Variants in UQCRC1 observed in about 807,000 individuals in gnomAD.
UQCRC1 encodes the protein cytochrome b-c1 complex subunit 1, mitochondrial.
Under a neutral mutation model 58.0 loss-of-function variants are expected in UQCRC1, and 34 were observed. The ratio of observed to expected loss-of-function variants is 0.59; its 90% CI spans 0.45 to 0.78. UQCRC1 has a LOEUF of 0.78. Among genes scored for constraint, UQCRC1 ranks in the 30% least tolerant of loss-of-function variants. The probability of loss-of-function intolerance (pLI) is 0.00; values close to 1 mark genes in which losing one functional copy is unlikely to be tolerated. For missense variants in UQCRC1, 610 were observed against 646.0 expected, an observed-to-expected ratio of 0.94 and a Z score of 0.60; for synonymous variants, 276 against 248.8, an observed-to-expected ratio of 1.11 and a Z score of -1.03.
rs761865695 is a variant in UQCRC1, at chr3:48,600,963, G to A, written c.966+12C>T. On this transcript the variant is annotated intron_variant, in intron 8 of 12. Coordinates refer to ENST00000203407, the MANE Select transcript of UQCRC1 (RefSeq NM_003365.3). ...CCTGAAGGCGAGGTCCCATGCTCGC[G>A]CTGGCACTCACCACGCCACCACCAT... 8 of 1,602,486 alleles carry A rather than the reference G, an allele frequency of 5.0e-6. No individual in the cohort carries two copies. The Admixed American group carries it at 5.0e-5, about 10-fold the overall frequency.
At chr3:48,604,512 C>T in intron 4 of UQCRC1, 81 bp from the exon 5 acceptor site, 1 of 1,585,990 alleles carries the variant, frequency 6.3e-7, no homozygotes, top group African/African-American at 1.3e-5. Flanking sequence ...GGCCTGGCAT[C>T]TCCTGCTGCC....
chr3:48,599,590 C>G, intron 12 of UQCRC1, 45 bp downstream of exon 12: 1 of 1,594,810 alleles, frequency 6.3e-7, no homozygotes, highest in Non-Finnish European at 8.6e-7. Context: ...GCCAAGAGAA[C>G]GGCCTGAGGA....
rs546614253 is a variant in UQCRC1, at chr3:48,599,396, G to A, written c.1379-204C>T. 1.3e-4 allele frequency: 89 copies of A among 697,980 alleles called. No individual in the cohort carries two copies. The African/African-American group carries it at 1.4e-3, about 11-fold the overall frequency. 43.2% of individuals were successfully genotyped at this position (697,980 alleles called of 1,614,324 possible). On this transcript the variant is annotated intron_variant, in intron 12 of 12. Coordinates refer to ENST00000203407, the MANE Select transcript of UQCRC1 (RefSeq NM_003365.3). The stretch of plus-strand genomic sequence containing the variant: ...TTGAAGCCCCACCCCACATGGAGGT[G>A]CCCGTTACCTGACGGGTGCAGGGTA...
chr3:48,602,451 C>T (rs2046374703), intron 6 of UQCRC1, among the ~76,000 whole-genome samples: 1 of 152,104 alleles, frequency 6.6e-6, no homozygotes, highest in Admixed American at 6.6e-5. Flanking sequence ...CTCCAAAGCC[C>T]CTGGTCATGC....
At position 48,600,718 on chromosome 3, in the gene UQCRC1, C is replaced by T. The variant is rs919564809; in HGVS notation, c.1089G>A (p.Met363Ile). 1 of 1,614,196 alleles carries T rather than the reference C, an allele frequency of 6.2e-7. No homozygotes were observed. The highest frequency in any genetic ancestry group is 2.2e-5 in the East Asian group (1 of 44,886). Residue 363 changes from methionine to isoleucine, a missense_variant, in exon 9 of 13, where the codon ATG becomes ATA. Physicochemically the swap from Met to Ile is conservative, Grantham distance 10. Coordinates refer to ENST00000203407, the MANE Select transcript of UQCRC1 (RefSeq NM_003365.3). ...LLGAHFVCDR[M>I]KIDDMMFVLQ... ...GGACGAACATCATGTCATCGATTTT[C>T]ATTCGGTCACAGACAAAGTGTGCAC...
intron 5 of UQCRC1, chr3:48,603,848 C>T: frequency 1.7e-6 from 1 of 601,398 alleles, no homozygotes; most frequent in Non-Finnish European, 3.0e-6. Flanking sequence ...GCCCTTGCCT[C>T]ATGCCTGACT....
Position 48,607,604 on chromosome 3 carries a change from G to A in UQCRC1, c.210+1558C>T, listed in dbSNP as rs562320898. Among the ~76,000 whole-genome samples, 25 of 150,584 alleles carry A rather than the reference G, an allele frequency of 1.7e-4. 1 individual carries two copies. In the South Asian group the frequency reaches 5.2e-3, roughly 32 times the overall value. On this transcript the variant is annotated intron_variant, in intron 2 of 12. Coordinates refer to ENST00000203407, the MANE Select transcript of UQCRC1 (RefSeq NM_003365.3). ...CAGAGGGCCTTGCTCTGTCACCCAGGCCAGAGTACAGTGACATAATCATGG... is the reference window on the plus strand; with the variant it reads ...CAGAGGGCCTTGCTCTGTCACCCAGACCAGAGTACAGTGACATAATCATGG...
intron 2 of UQCRC1, among the ~76,000 whole-genome samples, chr3:48,607,102 T>G (rs1321502662): frequency 6.6e-6 from 1 of 151,074 alleles, no homozygotes; most frequent in Non-Finnish European, 1.5e-5. Context: ...AGTGCAGTGG[T>G]GCGATCTTGG....
rs2046417202 is a variant in UQCRC1, at chr3:48,606,854, C to T, written c.211-998G>A. Among the ~76,000 whole-genome samples the T allele has an allele frequency of 2.0e-5, 3 of 151,362 alleles. No homozygotes were observed. In the South Asian group the frequency reaches 6.2e-4, roughly 31 times the overall value. On this transcript the variant is annotated intron_variant, in intron 2 of 12. Transcript: ENST00000203407. ...AGCTGATTTAAGTTTTTCACATCTA[C>T]TTTCCTAAGTACTTTTTTTTTTTTT...
chr3:48,600,581 G>GT lies in UQCRC1; in HGVS notation c.1128-15dup, dbSNP rs767217664. 1.9e-6 allele frequency: 3 copies of GT among 1,614,064 alleles called. No homozygotes were observed. Among genetic ancestry groups the GT allele is most frequent in the Non-Finnish European group, 2.5e-6 (3 of 1,179,988 alleles). Reference sequence around the variant, plus strand: ...CACAGGCGCATCCTAAAGTGGGGGGGTGGGTGGTATTCATTCTGAGCCAGT... The same window carrying GT: ...CACAGGCGCATCCTAAAGTGGGGGGGTTGGGTGGTATTCATTCTGAGCCAGT... On this transcript the variant is annotated splice_polypyrimidine_tract_variant and intron_variant, in intron 9 of 12. Coordinates refer to ENST00000203407, the MANE Select transcript of UQCRC1 (RefSeq NM_003365.3).
chr3:48,600,458 TC>T lies in UQCRC1; in HGVS notation c.1213+23del, dbSNP rs771403679. ...TCGCTGGCAAGATGTACTCTACCCC[TC>T]CCCGCTGAGCTGTAGGACTCACCAT... On this transcript the variant is annotated intron_variant, in intron 10 of 12. Coordinates refer to ENST00000203407, the MANE Select transcript of UQCRC1 (RefSeq NM_003365.3). 25 of 1,613,620 alleles carry T rather than the reference TC, an allele frequency of 1.5e-5. No individual in the cohort carries two copies. The East Asian group carries it at 3.3e-4, about 22-fold the overall frequency.
At chr3:48,606,109 C>G (rs959396586) in intron 2 of UQCRC1, among the ~76,000 whole-genome samples, 1 of 152,234 alleles carries the variant, frequency 6.6e-6, no homozygotes. Flanking sequence ...ACACTTCTAA[C>G]TGTGCACATT....
At position 48,601,467 on chromosome 3, in the gene UQCRC1, C is replaced by A; in HGVS notation, c.707G>T (p.Gly236Val). ...GTCTAACAGTTGCTGGTGCTCCACT[C>A]CTGCTGAGACAGACAGTGGCATTAC... ...APRMVLAAAG[G>V]VEHQQLLDLA... Residue 236 changes from glycine to valine, a missense_variant and splice_region_variant, in exon 7 of 13, where the codon GGA becomes GTA. By Grantham distance (109) the Gly-to-Val change is moderately radical (BLOSUM62 -3). Transcript: ENST00000203407. 6.2e-7 allele frequency: 1 copy of A among 1,613,618 alleles called. No homozygotes were observed. The highest frequency in any genetic ancestry group is 1.1e-5 in the South Asian group (1 of 90,914).
chr3:48,607,276 T>A (rs1309335691), intron 2 of UQCRC1, among the ~76,000 whole-genome samples: 2 of 151,530 alleles, frequency 1.3e-5, no homozygotes. Flanking sequence ...CTCCTGACCT[T>A]GTGATTCGCC....
intron 2 of UQCRC1, among the ~76,000 whole-genome samples, chr3:48,607,185 G>A (rs369502188): frequency 6.6e-6 from 1 of 152,288 alleles, no homozygotes; most frequent in African/African-American, 2.4e-5. Flanking sequence ...GGAACTACAG[G>A]CGCCCGCCAC....
At chr3:48,604,129 G>C (rs773511422) in intron 5 of UQCRC1, 104 bp downstream of exon 5, 14 of 1,300,580 alleles carry the variant, frequency 1.1e-5, no homozygotes, top group Non-Finnish European at 1.3e-5. Flanking sequence ...GCATAACTCA[G>C]GAAAATAACC....
chr3:48,601,207 TG>T, intron 7 of UQCRC1, 89 bp from the exon 8 acceptor site: 2 of 1,542,062 alleles, frequency 1.3e-6, no homozygotes, highest in Non-Finnish European at 1.8e-6. Flanking sequence ...TGTATGTGTG[TG>T]AACATGTGTG....
At chr3:48,604,101 C>T in intron 5 of UQCRC1, 132 bp downstream of exon 5, 1 of 974,008 alleles carries the variant, frequency 1.0e-6, no homozygotes, top group Non-Finnish European at 1.5e-6. Flanking sequence ...CACATGGATA[C>T]AGAAACTGTC....
chr3:48,606,771 C>T (rs548569660), intron 2 of UQCRC1, among the ~76,000 whole-genome samples: 5 of 151,452 alleles, frequency 3.3e-5, no homozygotes, highest in Non-Finnish European at 7.4e-5. Context: ...AAAAGAAACA[C>T]GTACCACTCA....
Sources: allele counts gnomAD v4.1 joint callset (sites outside exome capture counted in the v4.1 genomes callset), GRCh38; gene constraint gnomAD v4.1.1; transcripts MANE v1.5; gene names NCBI Gene and HGNC (gene_info 2026-07-23, HGNC 2026-07-21).